GPC6: variants seen among roughly 807,000 people sequenced by gnomAD.
GPC6 encodes the protein glypican 6, also known as glypican-6.
A neutral mutation model predicts 55.2 loss-of-function variants in GPC6; 14 were observed. The ratio of observed to expected loss-of-function variants is 0.25; its 90% CI spans 0.17 to 0.40. The LOEUF (loss-of-function observed/expected upper bound fraction) is 0.40. Ranked by LOEUF, GPC6 falls within the 10% of genes least tolerant of loss-of-function variation. The pLI is 1.00. For missense variants in GPC6, 641 were observed against 708.5 expected, an observed-to-expected ratio of 0.90 and a Z score of 1.08; for synonymous variants, 278 against 259.6, an observed-to-expected ratio of 1.07 and a Z score of -0.68.
chr13:93,409,025 T>C (rs1372543720), intron 1 of GPC6, among the ~76,000 whole-genome samples: 2 of 152,130 alleles, frequency 1.3e-5, no homozygotes, highest in African/African-American at 4.8e-5. Flanking sequence ...TTGTCACTTA[T>C]AATTGAAGTG....
intron 6 of GPC6, among the ~76,000 whole-genome samples, chr13:94,328,400 C>G (rs1215837639): frequency 1.3e-5 from 2 of 152,226 alleles, no homozygotes; most frequent in Non-Finnish European, 2.9e-5. Flanking sequence ...CTTCGTGGCT[C>G]CTACATGGAA....
At chr13:93,854,744 T>C (rs1888536856) in intron 3 of GPC6, among the ~76,000 whole-genome samples, 1 of 151,788 alleles carries the variant, frequency 6.6e-6, no homozygotes, top group African/African-American at 2.4e-5. Context: ...TTTGTATCAC[T>C]TTTTGTTATT....
chr13:94,132,537 A>G (rs1484188756), intron 4 of GPC6, among the ~76,000 whole-genome samples: 2 of 152,218 alleles, frequency 1.3e-5, no homozygotes, highest in East Asian at 3.9e-4. Flanking sequence ...GGAAGAAAAT[A>G]AAGAATCCTC....
chr13:94,116,457 G>T (rs977511642), intron 4 of GPC6, among the ~76,000 whole-genome samples: 1 of 152,020 alleles, frequency 6.6e-6, no homozygotes, highest in Non-Finnish European at 1.5e-5. Context: ...TTCATTCTGA[G>T]CCCCTGAACA....
rs1397490594 is a variant in GPC6, at chr13:93,783,508, T to G, written c.320-46646T>G. Among the ~76,000 whole-genome samples, 5 of 152,300 alleles carry G rather than the reference T, an allele frequency of 3.3e-5. No individual in the cohort carries two copies. In the East Asian group the frequency reaches 9.7e-4, roughly 29 times the overall value. On this transcript the variant is annotated intron_variant, in intron 2 of 8. Coordinates refer to ENST00000377047, the MANE Select transcript of GPC6 (RefSeq NM_005708.5). The stretch of plus-strand genomic sequence containing the variant: ...CCAGCATCTGTTGTTTCTTGACTTT[T>G]TAATAATCGCCATTCTGACTGGGGT...
chr13:93,693,407 A>C (rs1422352278), intron 2 of GPC6, among the ~76,000 whole-genome samples: 3 of 150,668 alleles, frequency 2.0e-5, no homozygotes, highest in Admixed American at 6.6e-5. Flanking sequence ...ATTTATTCTT[A>C]ATGTGTCATT....
chr13:94,158,871 T>C (rs1888054713), intron 4 of GPC6, among the ~76,000 whole-genome samples: 1 of 152,118 alleles, frequency 6.6e-6, no homozygotes, highest in African/African-American at 2.4e-5. Flanking sequence ...ACATAGCATA[T>C]GGCAGCTTTT....
intron 1 of GPC6, among the ~76,000 whole-genome samples, chr13:93,325,800 A>T (rs1879632809): frequency 6.6e-6 from 1 of 152,136 alleles, no homozygotes; most frequent in South Asian, 2.1e-4. Flanking sequence ...TTGTAGATGT[A>T]TCCATCTGGT....
chr13:93,674,680 G>A (rs1881510781), intron 2 of GPC6, among the ~76,000 whole-genome samples: 1 of 152,168 alleles, frequency 6.6e-6, no homozygotes, highest in Non-Finnish European at 1.5e-5. Context: ...AGGAGTGTTG[G>A]AGACATACAT....
intron 4 of GPC6, among the ~76,000 whole-genome samples, chr13:94,189,410 G>T (rs1017068682): frequency 6.6e-6 from 1 of 152,088 alleles, no homozygotes; most frequent in Non-Finnish European, 1.5e-5. Flanking sequence ...AACAGGAGAG[G>T]GAGGCATGCT....
chr13:94,161,415 A>C (rs2138913716), intron 4 of GPC6, among the ~76,000 whole-genome samples: 1 of 152,266 alleles, frequency 6.6e-6, no homozygotes, highest in African/African-American at 2.4e-5. Context: ...ACACAGTTAA[A>C]GTTTTCTACT....
chr13:94,322,638 A>T (rs1473346564), intron 6 of GPC6, among the ~76,000 whole-genome samples: 1 of 152,194 alleles, frequency 6.6e-6, no homozygotes, highest in Non-Finnish European at 1.5e-5. Context: ...TTAATTTAAT[A>T]AAAATAGAAA....
chr13:94,387,483 T>G (rs1046194262), intron 7 of GPC6, among the ~76,000 whole-genome samples: 2 of 152,226 alleles, frequency 1.3e-5, no homozygotes, highest in Non-Finnish European at 2.9e-5. Flanking sequence ...ACAAATAGTT[T>G]GTAATCCTAA....
intron 1 of GPC6, among the ~76,000 whole-genome samples, chr13:93,393,940 A>C (rs1875748667): frequency 6.6e-6 from 1 of 151,960 alleles, no homozygotes; most frequent in Non-Finnish European, 1.5e-5. Context: ...TATAGCAGAG[A>C]CTCAGTAAAC....
At chr13:93,967,423 T>G (rs1880097802) in intron 3 of GPC6, among the ~76,000 whole-genome samples, 1 of 152,230 alleles carries the variant, frequency 6.6e-6, no homozygotes, top group African/African-American at 2.4e-5. Flanking sequence ...GCACCAAATA[T>G]GCTTACATAT....
chr13:93,733,446 C>T (rs1883895720), intron 2 of GPC6, among the ~76,000 whole-genome samples: 1 of 151,454 alleles, frequency 6.6e-6, no homozygotes, highest in African/African-American at 2.4e-5. Flanking sequence ...AGAAAAATGT[C>T]ACTGTGTATT....
At chr13:93,370,812 C>T (rs1881421464) in intron 1 of GPC6, among the ~76,000 whole-genome samples, 1 of 152,146 alleles carries the variant, frequency 6.6e-6, no homozygotes, top group African/African-American at 2.4e-5. Context: ...GTTTATCAAA[C>T]ATTTCACATA....
chr13:93,845,002 A>G (rs1025597672), intron 3 of GPC6, among the ~76,000 whole-genome samples: 2 of 151,958 alleles, frequency 1.3e-5, no homozygotes, highest in East Asian at 1.9e-4. Flanking sequence ...CCATTGATCT[A>G]TATCTCTGTT....
chr13:93,591,468 G>GA (rs60796601), intron 2 of GPC6, among the ~76,000 whole-genome samples: 47 of 124,546 alleles, frequency 3.8e-4, no homozygotes, highest in African/African-American at 5.7e-4. Flanking sequence ...CGTCTCAAAG[G>GA]AAAAAAAAAA....
Sources: gnomAD v4.1 joint callset for allele counts (sites outside exome capture counted in the v4.1 genomes callset) on GRCh38, gnomAD v4.1.1 for gene constraint, MANE v1.5 for transcripts, NCBI Gene and HGNC (gene_info 2026-07-23, HGNC 2026-07-21) for gene names.